The following PPL variants were observed in gnomAD, a reference collection of about 807,000 sequenced individuals.
PPL encodes the protein periplakin, also known as 190 kDa paraneoplastic pemphigus antigen.
Under a neutral mutation model 194.4 loss-of-function variants are expected in PPL, and 198 were observed. That is an observed-to-expected ratio of 1.02 (90% CI 0.91 to 1.15). The LOEUF is 1.15. PPL is among the 50% of genes most tolerant of loss of function. PPL has a pLI of 0.00. For synonymous variants in PPL, 1,220 were observed against 972.4 expected, an observed-to-expected ratio of 1.25 and a Z score of -4.74; for missense variants, 2,885 against 2,294.8, an observed-to-expected ratio of 1.26 and a Z score of -5.25.
intron 1 of PPL, among the ~76,000 whole-genome samples, chr16:4,936,379 G>T (rs1331886203): frequency 6.6e-6 from 1 of 152,136 alleles, no homozygotes; most frequent in East Asian, 1.9e-4. Context: ...GCGCGGCTCT[G>T]GCGCGCAGGG....
At chr16:4,920,605 G>A (rs535708218) in intron 1 of PPL, among the ~76,000 whole-genome samples, 1 of 152,192 alleles carries the variant, frequency 6.6e-6, no homozygotes, top group African/African-American at 2.4e-5. Flanking sequence ...TGGGATTACA[G>A]GCGCACGCCA....
intron 1 of PPL, among the ~76,000 whole-genome samples, chr16:4,918,872 G>C (rs905844366): frequency 6.6e-6 from 1 of 152,168 alleles, no homozygotes; most frequent in African/African-American, 2.4e-5. Flanking sequence ...AAAGGGGACA[G>C]GTCCCAGGAG....
chr16:4,883,264 G>A lies in PPL; in HGVS notation c.*120C>T, dbSNP rs1004759774. 1 of 1,381,710 alleles carries A rather than the reference G, an allele frequency of 7.2e-7. No individual in the cohort carries two copies. 85.6% of individuals were successfully genotyped at this position (1,381,710 alleles called of 1,614,324 possible). A position where few individuals can be genotyped will look rare whatever the true frequency, so the allele number is the denominator to read the frequency against. On this transcript the variant is annotated 3_prime_UTR_variant, in exon 22 of 22. Coordinates refer to ENST00000345988, the MANE Select transcript of PPL (RefSeq NM_002705.5). This position sits in a 1 kb window ranked among gnomAD's most constrained non-coding sequence, Gnocchi z 4.8. ...GCGGGACTCTGAGCAGCCTGGCAGC[G>A]AGGGTATGTATAAAATGCTTGGCCT... is the stretch of plus-strand genomic sequence containing the variant.
At chr16:4,899,501 G>GGTGGCCTGAGGACAAGCCCAGCTATGA in intron 6 of PPL, 117 bp from the exon 7 acceptor site, 2 of 1,390,596 alleles carry the variant, frequency 1.4e-6, no homozygotes, top group African/African-American at 2.9e-5. Flanking sequence ...CCCAGCTATG[G>GGTGGCCTGAGGACAAGCCCAGCTATGA]GTGGCCTGAG....
At chr16:4,904,119 G>C in intron 2 of PPL, 79 bp from the exon 3 acceptor site, 1 of 1,429,204 alleles carries the variant, frequency 7.0e-7, no homozygotes, top group South Asian at 1.2e-5. Context: ...TGGGAGGAAA[G>C]GGGTCAGCAG....
At chr16:4,889,241 G>GTTTTTTTTTTTTTTTTTTTT (rs869094472) in intron 18 of PPL, among the ~76,000 whole-genome samples, 180 bp from the exon 19 acceptor site, 2 of 66,636 alleles carry the variant, frequency 3.0e-5, no homozygotes, top group African/African-American at 1.5e-4. Context: ...TGTTGTTGTT[G>GTTTTTTTTTTTTTTTTTTTT]TTTTTTTTTT....
At position 4,937,083 on chromosome 16, in the gene PPL, C is replaced by A; in HGVS notation, c.-38G>T. Reference sequence around the variant, plus strand: ...GGTGCGGGCGGCGGCGGCTGGCGGGCCGGGCGCGCACCGAGGGGCGGGCGG... The same window carrying A: ...GGTGCGGGCGGCGGCGGCTGGCGGGACGGGCGCGCACCGAGGGGCGGGCGG... On this transcript the variant is annotated 5_prime_UTR_variant, in exon 1 of 22. Transcript: ENST00000345988. 2 of 1,295,010 alleles carry A rather than the reference C, an allele frequency of 1.5e-6. No individual in the cohort carries two copies. Among genetic ancestry groups the A allele is most frequent in the South Asian group, 2.3e-5 (1 of 43,320 alleles). 80.2% of individuals were successfully genotyped at this position (1,295,010 alleles called of 1,614,324 possible). A position where few individuals can be genotyped will look rare whatever the true frequency, so the allele number is the denominator to read the frequency against.
chr16:4,916,216 CTTAT>C (rs1042927094), intron 1 of PPL, among the ~76,000 whole-genome samples: 125 of 152,084 alleles, frequency 8.2e-4, no homozygotes, highest in African/African-American at 3.0e-3. Flanking sequence ...ATTTTTATTA[CTTAT>C]TTATTTTTTT....
At chr16:4,905,336 C>A (rs1373924523) in intron 2 of PPL, among the ~76,000 whole-genome samples, 1 of 152,204 alleles carries the variant, frequency 6.6e-6, no homozygotes, top group Non-Finnish European at 1.5e-5. Flanking sequence ...AGAAGCCAGA[C>A]AGAGCCCACA....
At chr16:4,895,452 C>A (rs1329274809) in intron 10 of PPL, 45 bp from the exon 11 acceptor site, 2 of 1,607,104 alleles carry the variant, frequency 1.2e-6, no homozygotes, top group Admixed American at 3.4e-5. Context: ...CAACAGCCTT[C>A]CCCCTGGTGG....
At chr16:4,921,878 G>A (rs973356061) in intron 1 of PPL, among the ~76,000 whole-genome samples, 3 of 77,310 alleles carry the variant, frequency 3.9e-5, no homozygotes, top group East Asian at 2.6e-4. Flanking sequence ...TGTCCTGGCC[G>A]CCAGGACAGC....
chr16:4,936,984 C>T lies in PPL; in HGVS notation c.62G>A (p.Ser21Asn). The T allele has an allele frequency of 6.3e-7, 1 of 1,589,098 alleles. No homozygotes were observed. Among genetic ancestry groups the T allele is most frequent in the Non-Finnish European group, 8.6e-7 (1 of 1,168,502 alleles). ...AGCGGAGCTGTGGGCGCCTCCTCAC[C>T]TCCGGGTCTGCACAGTGGGGCTGTA... ...GKYSPTVQTR[S>N]ISNKELSELI... The change falls in exon 1 of 22, where the codon AGC (serine) becomes AAC (asparagine). Residue 21 changes from serine to asparagine, a missense_variant and splice_region_variant. By Grantham distance (46) the Ser-to-Asn change is conservative (BLOSUM62 1). Transcript: ENST00000345988.
At chr16:4,893,511 G>T in intron 13 of PPL, 30 bp downstream of exon 13, 1 of 1,609,050 alleles carries the variant, frequency 6.2e-7, no homozygotes. Flanking sequence ...GGTACCCCCA[G>T]AGCCTCAGGC....
At chr16:4,906,659 C>T (rs1596564121) in intron 2 of PPL, among the ~76,000 whole-genome samples, 1 of 152,218 alleles carries the variant, frequency 6.6e-6, no homozygotes, top group Non-Finnish European at 1.5e-5. Context: ...AATGCAAGTT[C>T]TCTCAAAACA....
intron 2 of PPL, among the ~76,000 whole-genome samples, chr16:4,908,964 G>T (rs2088760832): frequency 1.3e-5 from 2 of 152,222 alleles, no homozygotes; most frequent in South Asian, 4.1e-4. Context: ...CATTTAAGAA[G>T]GAAAGAAATC....
chr16:4,899,865 C>T (rs1055123838), intron 6 of PPL, among the ~76,000 whole-genome samples: 14 of 152,176 alleles, frequency 9.2e-5, no homozygotes, highest in Non-Finnish European at 1.6e-4. Context: ...AAGGAAAGCA[C>T]CACTGTACGT....
rs1461341857 is a variant in PPL at position 4,883,200 on chromosome 16, G to C, written c.*184C>G. ...TCAGGGTGAATGATGGTTGGGACGA[G>C]AGTTGCCTGTCTTCAGCCAGTGCCT... On this transcript the variant is annotated 3_prime_UTR_variant, in exon 22 of 22. Transcript: ENST00000345988. The surrounding 1 kb of genome is among the most constrained non-coding windows in gnomAD (Gnocchi z 4.8). The C allele has an allele frequency of 1.4e-6, 1 of 716,558 alleles. No homozygotes were observed. The highest frequency in any genetic ancestry group is 2.3e-6 in the Non-Finnish European group (1 of 436,466). The allele number at this position is 716,558 out of a possible 1,614,324, so 44.4% of individuals were successfully genotyped here.
rs1371720719 is a variant in PPL, at chr16:4,893,346, T to C, written c.1517A>G (p.Gln506Arg). The change falls in exon 14 of 22, where the codon CAG becomes CGG. Residue 506 changes from glutamine (Q) to arginine (R), a missense_variant. Gln to Arg is a conservative substitution (Grantham distance 43). Transcript: ENST00000345988. ...PGDASDLQGR[Q>R]LLAGLDKVAS... ...CACCTTGTCCAAGCCAGCCAGCAGCTGCCGCCCCTGTAGGTCAGAGGCATC... is the reference window on the plus strand; with the variant it reads ...CACCTTGTCCAAGCCAGCCAGCAGCCGCCGCCCCTGTAGGTCAGAGGCATC... 1 of 1,607,996 alleles carries C rather than the reference T, an allele frequency of 6.2e-7. No individual in the cohort carries two copies. The highest frequency in any genetic ancestry group is 1.7e-5 in the Admixed American group (1 of 59,974).
chr16:4,892,222 A>T lies in PPL; in HGVS notation c.1651-9T>A, dbSNP rs755103055. On this transcript the variant is annotated splice_polypyrimidine_tract_variant and intron_variant, in intron 14 of 21. Transcript: ENST00000345988. The stretch of plus-strand genomic sequence containing the variant: ...AGCTCGTTGGTGATGTTCTGTGGGA[A>T]CCAGGGCCCCTCAGTTTTGGACACA... The T allele has an allele frequency of 6.2e-7, 1 of 1,604,668 alleles. No individual in the cohort carries two copies. Among genetic ancestry groups the T allele is most frequent in the Non-Finnish European group, 8.5e-7 (1 of 1,173,026 alleles).
Sources: gnomAD v4.1 joint callset for allele counts (sites outside exome capture counted in the v4.1 genomes callset) on GRCh38, gnomAD v4.1.1 for gene constraint, Gnocchi (gnomAD v3.1) non-coding constraint, MANE v1.5 for transcripts, NCBI Gene and HGNC (gene_info 2026-07-23, HGNC 2026-07-21) for gene names.